The following PCDH9 variants were observed in gnomAD, a reference collection of about 807,000 sequenced individuals.
The protein encoded by PCDH9 is protocadherin 9, also known as protocadherin-9.
Under a neutral mutation model 70.6 loss-of-function variants are expected in PCDH9, and 24 were observed. The observed-to-expected ratio is 0.34, with a 90% confidence interval of 0.25 to 0.48. The LOEUF is 0.48. Among genes scored for constraint, PCDH9 ranks in the 20% least tolerant of loss-of-function variants. The pLI is 0.99. For missense variants in PCDH9, 1,281 were observed against 1,503.6 expected (o/e 0.85, Z 2.45); for synonymous variants, 562 against 558.5 (o/e 1.01, Z -0.09).
intron 2 of PCDH9, among the ~76,000 whole-genome samples, chr13:67,154,593 A>ATAT (rs1278309789): frequency 1.2e-5 from 1 of 85,794 alleles, no homozygotes; most frequent in African/African-American, 4.6e-5. Context: ...AAAAAAAAAA[A>ATAT]AAATATATAT....
intron 3 of PCDH9, among the ~76,000 whole-genome samples, chr13:66,657,232 C>T (rs1482575373): frequency 3.3e-5 from 5 of 152,178 alleles, no homozygotes. Flanking sequence ...TGTGCCATCA[C>T]TTTAGCCTCC....
Position 66,492,534 on chromosome 13 carries a change from A to G in PCDH9, c.3340+138676T>C, listed in dbSNP as rs188408783. 2.3e-3 allele frequency among the ~76,000 whole-genome samples: 345 copies of G among 150,544 alleles called. 3 individuals carry two copies. The highest frequency in any genetic ancestry group is 7.9e-3 in the African/African-American group (325 of 41,256). ...ATATATATGTTTTAAAATGGGTTCA[A>G]TAAAGGAATGATGAATACATGGGTG... On this transcript the variant is annotated intron_variant, in intron 4 of 4. Transcript: ENST00000377865.
chr13:66,461,738 A>G (rs1281479473), intron 4 of PCDH9, among the ~76,000 whole-genome samples: 1 of 151,878 alleles, frequency 6.6e-6, no homozygotes, highest in Non-Finnish European at 1.5e-5. Flanking sequence ...GAATTAACAA[A>G]TAGCTACTTT....
chr13:66,712,714 GTA>G (rs1276294598), intron 3 of PCDH9, among the ~76,000 whole-genome samples: 1 of 152,066 alleles, frequency 6.6e-6, no homozygotes, highest in African/African-American at 2.4e-5. Flanking sequence ...AGTTCTAAAT[GTA>G]GAATTGTGGA....
chr13:67,181,629 G>A (rs141614208), intron 2 of PCDH9, among the ~76,000 whole-genome samples: 1 of 152,232 alleles, frequency 6.6e-6, no homozygotes, highest in Non-Finnish European at 1.5e-5. Flanking sequence ...GAATTTCAGT[G>A]GATGCCAGCT....
chr13:66,560,041 ATTG>A (rs1961938534), intron 4 of PCDH9, among the ~76,000 whole-genome samples: 1 of 151,918 alleles, frequency 6.6e-6, no homozygotes, highest in Non-Finnish European at 1.5e-5. Context: ...CCAAAATATA[ATTG>A]TTGTTTCTCT....
chr13:66,325,885 A>G (rs575119745), intron 4 of PCDH9, among the ~76,000 whole-genome samples: 40 of 152,330 alleles, frequency 2.6e-4, no homozygotes, highest in African/African-American at 9.4e-4. Flanking sequence ...ATAGCTTTGA[A>G]GCACAGGTTC....
At chr13:67,197,030 C>T (rs1227114639) in intron 2 of PCDH9, among the ~76,000 whole-genome samples, 1 of 151,884 alleles carries the variant, frequency 6.6e-6, no homozygotes, top group East Asian at 1.9e-4. Flanking sequence ...TTTGTCCTGT[C>T]CCTCCATAGG....
rs1245258277 is a variant in PCDH9, at chr13:67,074,387, A to C, written c.3036+151018T>G. Among the ~76,000 whole-genome samples the C allele has an allele frequency of 3.3e-5, 5 of 152,190 alleles. 1 individual carries two copies. Among genetic ancestry groups the C allele is most frequent in the South Asian group, 4.1e-4 (2 of 4,824 alleles). On this transcript the variant is annotated intron_variant, in intron 2 of 4. Coordinates refer to ENST00000377865, the MANE Select transcript of PCDH9 (RefSeq NM_203487.3). ...AGACACTGAATCTGTCAGCATGTTGATCTTGGAGTTCTCAGCCTCAAGAAC... is the reference window on the plus strand; with the variant it reads ...AGACACTGAATCTGTCAGCATGTTGCTCTTGGAGTTCTCAGCCTCAAGAAC...
At chr13:66,587,595 GTTAT>G (rs2076980334) in intron 4 of PCDH9, among the ~76,000 whole-genome samples, 1 of 151,992 alleles carries the variant, frequency 6.6e-6, no homozygotes, top group Non-Finnish European at 1.5e-5. Flanking sequence ...CTCAACCCCA[GTTAT>G]TTATCAGAAT....
At chr13:67,161,873 C>T (rs1334414600) in intron 2 of PCDH9, among the ~76,000 whole-genome samples, 2 of 152,302 alleles carry the variant, frequency 1.3e-5, no homozygotes, top group Admixed American at 6.5e-5. Flanking sequence ...CGACACAACT[C>T]CTCCAAGGAA....
At chr13:66,872,464 A>C (rs540905775) in intron 3 of PCDH9, among the ~76,000 whole-genome samples, 1 of 152,294 alleles carries the variant, frequency 6.6e-6, no homozygotes, top group South Asian at 2.1e-4. Context: ...TTAGAGAAGC[A>C]TTAAGCATAC....
chr13:66,597,752 A>T (rs957816843), intron 4 of PCDH9, among the ~76,000 whole-genome samples: 1 of 151,804 alleles, frequency 6.6e-6, no homozygotes, highest in African/African-American at 2.4e-5. Flanking sequence ...ACTAAAAGGC[A>T]TCTGTTGCAG....
chr13:66,974,739 A>G (rs1257991377), intron 2 of PCDH9, among the ~76,000 whole-genome samples: 1 of 152,100 alleles, frequency 6.6e-6, no homozygotes, highest in Non-Finnish European at 1.5e-5. Context: ...AACAAATCCC[A>G]TTCATAAATG....
intron 3 of PCDH9, among the ~76,000 whole-genome samples, chr13:66,840,813 C>T (rs1364094244): frequency 1.3e-5 from 2 of 152,208 alleles, no homozygotes; most frequent in Non-Finnish European, 2.9e-5. Flanking sequence ...ATTTCAATTA[C>T]AACAGGAGAG....
At chr13:66,844,957 C>T (rs976310029) in intron 3 of PCDH9, among the ~76,000 whole-genome samples, 2 of 152,122 alleles carry the variant, frequency 1.3e-5, no homozygotes, top group African/African-American at 4.8e-5. Flanking sequence ...GCCACTGGTG[C>T]CTTTGCCTGA....
chr13:66,326,484 T>C (rs1317711417), intron 4 of PCDH9, among the ~76,000 whole-genome samples: 1 of 151,142 alleles, frequency 6.6e-6, no homozygotes, highest in Non-Finnish European at 1.5e-5. Context: ...AGTGGCGCGA[T>C]CTCGGCTCAC....
intron 3 of PCDH9, among the ~76,000 whole-genome samples, chr13:66,772,213 C>T (rs1351991395): frequency 6.6e-6 from 1 of 152,162 alleles, no homozygotes; most frequent in Non-Finnish European, 1.5e-5. Flanking sequence ...TAAATCTGAT[C>T]AGATTTGCTC....
intron 3 of PCDH9, among the ~76,000 whole-genome samples, chr13:66,844,561 G>A (rs574177533): frequency 6.6e-6 from 1 of 151,136 alleles, no homozygotes; most frequent in African/African-American, 2.4e-5. Flanking sequence ...CTCTAGCCAG[G>A]GTGACAGGGC....
Sources: allele counts gnomAD v4.1 joint callset (sites outside exome capture counted in the v4.1 genomes callset), GRCh38; gene constraint gnomAD v4.1.1; transcripts MANE v1.5; gene names NCBI Gene and HGNC (gene_info 2026-07-23, HGNC 2026-07-21).